LAMA2: variants seen among roughly 807,000 people sequenced by gnomAD.
The protein encoded by LAMA2 is laminin subunit alpha 2, also known as laminin subunit alpha-2.
LAMA2 carries 269 observed loss-of-function variants against 364.8 expected under a neutral mutation model. That is an observed-to-expected ratio of 0.74 (90% CI 0.67 to 0.82). The LOEUF is 0.82. LAMA2 is among the 40% of genes least tolerant of loss of function. The probability of loss-of-function intolerance (pLI) is 0.00; values close to 1 mark genes in which losing one functional copy is unlikely to be tolerated. For missense variants in LAMA2, 3,807 were observed against 3,873.2 expected, an observed-to-expected ratio of 0.98 and a Z score of 0.45; for synonymous variants, 1,379 against 1,370.6, an observed-to-expected ratio of 1.01 and a Z score of -0.14.
chr6:129,158,607 C>T, intron 8 of LAMA2: 1 of 1,614,086 alleles, frequency 6.2e-7, no homozygotes, highest in Non-Finnish European at 8.5e-7. Context: ...ACAAAAGCAG[C>T]TGGAGAAGAT....
At chr6:129,031,078 C>T (rs1490099358) in intron 1 of LAMA2, among the ~76,000 whole-genome samples, 1 of 152,092 alleles carries the variant, frequency 6.6e-6, no homozygotes, top group African/African-American at 2.4e-5. Flanking sequence ...GAAATATTTA[C>T]AAGAGGAAAC....
At chr6:128,982,466 T>C (rs1782947504) in intron 1 of LAMA2, among the ~76,000 whole-genome samples, 1 of 152,184 alleles carries the variant, frequency 6.6e-6, no homozygotes, top group African/African-American at 2.4e-5. Flanking sequence ...CTCAAAAACA[T>C]AACATTGAGT....
intron 1 of LAMA2, among the ~76,000 whole-genome samples, chr6:128,993,333 C>T (rs1337274427): frequency 6.6e-6 from 1 of 152,200 alleles, no homozygotes; most frequent in East Asian, 1.9e-4. Flanking sequence ...TCACAAATTT[C>T]AGCAGCGTTG....
At chr6:129,247,294 A>T (rs1236835988) in intron 12 of LAMA2, among the ~76,000 whole-genome samples, 2 of 152,118 alleles carry the variant, frequency 1.3e-5, no homozygotes, top group East Asian at 3.9e-4. Context: ...TACAAAAAAT[A>T]CAAAAAATTA....
intron 4 of LAMA2, among the ~76,000 whole-genome samples, chr6:129,143,163 G>T (rs1056943669): frequency 6.6e-6 from 1 of 151,932 alleles, no homozygotes; most frequent in Non-Finnish European, 1.5e-5. Flanking sequence ...CATAGAAAAT[G>T]ATCTGACTGA....
intron 4 of LAMA2, among the ~76,000 whole-genome samples, chr6:129,111,893 CA>C (rs1439527843): frequency 2.6e-5 from 4 of 152,036 alleles, no homozygotes; most frequent in African/African-American, 9.6e-5. Flanking sequence ...TAAGGAACTA[CA>C]TGAAAGTTGG....
chr6:129,516,492 G>A lies in LAMA2; in HGVS notation c.*145G>A, dbSNP rs906107476. ...TCTGTATTCAGATGGTGCTAATTCAGACTCCAGACTGAATTTTAATTCAAG... is the reference window on the plus strand; with the variant it reads ...TCTGTATTCAGATGGTGCTAATTCAAACTCCAGACTGAATTTTAATTCAAG... On this transcript the variant is annotated 3_prime_UTR_variant, in exon 65 of 65. Coordinates refer to ENST00000421865, the MANE Select transcript of LAMA2 (RefSeq NM_000426.4). 2 of 758,654 alleles carry A rather than the reference G, an allele frequency of 2.6e-6. No homozygotes were observed. Among genetic ancestry groups the A allele is most frequent in the African/African-American group, 3.5e-5 (2 of 57,022 alleles). 47.0% of individuals were successfully genotyped at this position (758,654 alleles called of 1,614,324 possible).
chr6:129,402,986 C>T (rs1343055815), intron 39 of LAMA2, among the ~76,000 whole-genome samples: 3 of 152,120 alleles, frequency 2.0e-5, no homozygotes, highest in Admixed American at 6.5e-5. Context: ...TGTAAAATAG[C>T]AGCTTATTCT....
At chr6:128,956,647 T>G (rs78222105) in intron 1 of LAMA2, among the ~76,000 whole-genome samples, 3,665 of 152,204 alleles carry the variant, frequency 0.024, 49 homozygotes, top group Middle Eastern at 0.031. Flanking sequence ...TTTTTTCTCC[T>G]TCGCAATTAT....
chr6:129,256,083 A>C (rs1241794815), intron 14 of LAMA2, among the ~76,000 whole-genome samples: 2 of 152,196 alleles, frequency 1.3e-5, no homozygotes, highest in Non-Finnish European at 2.9e-5. Flanking sequence ...ACAATGTCTA[A>C]ATTTCAATTG....
At chr6:128,998,293 T>G (rs1032319507) in intron 1 of LAMA2, among the ~76,000 whole-genome samples, 1 of 152,152 alleles carries the variant, frequency 6.6e-6, no homozygotes, top group Admixed American at 6.5e-5. Context: ...GATTAAGAAG[T>G]AGCATCAAAG....
chr6:129,315,354 C>T (rs1262773105), intron 24 of LAMA2, 122 bp from the exon 25 acceptor site: 2 of 829,808 alleles, frequency 2.4e-6, no homozygotes, highest in African/African-American at 1.7e-5. Context: ...AGTTCTGTTG[C>T]TTGTGAGAAC....
At chr6:129,275,482 A>G (rs1562404650) in intron 17 of LAMA2, among the ~76,000 whole-genome samples, 1 of 152,018 alleles carries the variant, frequency 6.6e-6, no homozygotes, top group Admixed American at 6.6e-5. Flanking sequence ...ATTGAAAAGA[A>G]GCAAAAAAAA....
At position 129,462,740 on chromosome 6, in the gene LAMA2, GTGTT is replaced by G. The variant is rs72343617; in HGVS notation, c.6993-1528_6993-1525del. 9.3e-3 allele frequency among the ~76,000 whole-genome samples: 1,406 copies of G among 151,734 alleles called. 12 individuals carry two copies. The highest frequency in any genetic ancestry group is 0.029 in the African/African-American group (1,219 of 41,366). On this transcript the variant is annotated intron_variant, in intron 49 of 64. Transcript: ENST00000421865. ...AAGAATAATTTTTATAGAACTCCTGGTGTTTGTTTGTTTGTTTGTTTGTTTATTT... is the reference window on the plus strand; with the variant it reads ...AAGAATAATTTTTATAGAACTCCTGGTGTTTGTTTGTTTGTTTGTTTATTT...
In LAMA2 at chr6:129,460,253, C is replaced by T. The variant is rs775116632; in HGVS notation, c.6921C>T (p.Tyr2307=). The T allele has an allele frequency of 3.1e-6, 5 of 1,611,546 alleles. No homozygotes were observed. Among genetic ancestry groups the T allele is most frequent in the Middle Eastern group, 1.6e-4 (1 of 6,070 alleles). Residue 2307 remains tyrosine, a synonymous_variant, in exon 49 of 65, where the codon TAC becomes TAT. Coordinates refer to ENST00000421865, the MANE Select transcript of LAMA2 (RefSeq NM_000426.4). The part of the protein sequence containing the change: ...ITFTGCMGET[Y]FDNKPIGLWN... ...TCACTGGCTGCATGGGAGAAACATA[C>T]TTTGACAACAAACCTATAGGTTTGT...
intron 12 of LAMA2, among the ~76,000 whole-genome samples, chr6:129,230,181 C>T (rs1784594290): frequency 6.6e-6 from 1 of 151,982 alleles, no homozygotes. Context: ...AATCAGTGAC[C>T]AAAAAAGTAG....
chr6:129,128,138 A>G (rs1777225739), intron 4 of LAMA2, among the ~76,000 whole-genome samples: 1 of 152,164 alleles, frequency 6.6e-6, no homozygotes, highest in Middle Eastern at 3.2e-3. Flanking sequence ...CTGGCCTTAT[A>G]CTTAAGGCTT....
At chr6:129,166,896 AAC>A (rs1779775011) in intron 9 of LAMA2, among the ~76,000 whole-genome samples, 1 of 152,178 alleles carries the variant, frequency 6.6e-6, no homozygotes, top group Non-Finnish European at 1.5e-5. Flanking sequence ...GCACCTAAAT[AAC>A]ACATTATTAT....
At chr6:129,217,662 A>G (rs1241152587) in intron 12 of LAMA2, among the ~76,000 whole-genome samples, 1 of 152,216 alleles carries the variant, frequency 6.6e-6, no homozygotes, top group African/African-American at 2.4e-5. Context: ...CAAGTTATTT[A>G]TATTTATGTG....
Sources: allele counts gnomAD v4.1 joint callset (sites outside exome capture counted in the v4.1 genomes callset), GRCh38; gene constraint gnomAD v4.1.1; transcripts MANE v1.5; gene names NCBI Gene and HGNC (gene_info 2026-07-23, HGNC 2026-07-21).